Variants in CALR observed in about 807,000 individuals in gnomAD.
CALR encodes CRP55.
A neutral mutation model predicts 51.1 loss-of-function variants in CALR; 15 were observed. The ratio of observed to expected loss-of-function variants is 0.29; its 90% CI spans 0.20 to 0.45. The LOEUF (loss-of-function observed/expected upper bound fraction) is 0.45, where lower values mean the gene tolerates loss of function less well. CALR is among the 20% of genes least tolerant of loss of function. The pLI, the probability that CALR is intolerant of heterozygous loss-of-function variation, is 1.00. For synonymous variants in CALR, 239 were observed against 205.9 expected (o/e 1.16, Z -1.38); for missense variants, 477 against 530.6 (o/e 0.90, Z 0.99).
Position 12,940,415 on chromosome 19 carries a change from G to T in CALR, c.665G>T (p.Arg222Leu). ...DASKPEDWDE[R>L]AKIDDPTDSK... ...TCAAAACCGGAAGACTGGGATGAGC[G>T]GGCCAAGATCGATGATCCCACAGAC... Residue 222 changes from arginine (R) to leucine (L), a missense_variant, in exon 5 of 9, where the codon CGG (arginine) becomes CTG (leucine). By Grantham distance (102) the Arg-to-Leu change is moderately radical. Transcript: ENST00000316448. The T allele has an allele frequency of 6.2e-7, 1 of 1,614,164 alleles. No individual in the cohort carries two copies. The highest frequency in any genetic ancestry group is 8.5e-7 in the Non-Finnish European group (1 of 1,180,036).
chr19:12,943,789 A>C lies in CALR; in HGVS notation c.1130A>C (p.Lys377Thr). 2 of 1,596,364 alleles carry C rather than the reference A, an allele frequency of 1.3e-6. No individual in the cohort carries two copies. Among genetic ancestry groups the C allele is most frequent in the Non-Finnish European group, 1.7e-6 (2 of 1,171,226 alleles). ...LKEEEEDKKRKEEEEAEDKED... is the reference protein window; with the variant it reads ...LKEEEEDKKRTEEEEAEDKED... Reference sequence around the variant, plus strand: ...GAGGAGGAAGAAGACAAGAAACGCAAAGAGGAGGAGGAGGCAGAGGACAAG... The same window carrying C: ...GAGGAGGAAGAAGACAAGAAACGCACAGAGGAGGAGGAGGCAGAGGACAAG... Residue 377 changes from lysine (K) to threonine (T), a missense_variant, in exon 9 of 9, where the codon AAA (lysine) becomes ACA (threonine). Coordinates refer to ENST00000316448, the MANE Select transcript of CALR (RefSeq NM_004343.4).
rs147368353 is a variant in CALR, at chr19:12,938,729, C to G, written c.50C>G (p.Ala17Gly). 18 of 1,611,664 alleles carry G rather than the reference C, an allele frequency of 1.1e-5. No individual in the cohort carries two copies. In the East Asian group the frequency reaches 4.0e-4, roughly 36 times the overall value. ...CTCGGCCTCCTCGGCCTGGCCGTCG[C>G]CGAGCCTGCCGTCTACTTCAAGGAG... ...LLLGLLGLAV[A>G]EPAVYFKEQF... Residue 17 changes from alanine (A) to glycine (G), a missense_variant, in exon 1 of 9, where the codon GCC (alanine) becomes GGC (glycine). Physicochemically the swap from Ala to Gly is moderately conservative, Grantham distance 60. Transcript: ENST00000316448.
intron 7 of CALR, among the ~76,000 whole-genome samples, chr19:12,942,240 G>A (rs984736257): frequency 1.3e-5 from 2 of 151,632 alleles, no homozygotes; most frequent in Non-Finnish European, 2.9e-5. Flanking sequence ...GTGGGCGCCT[G>A]TAGTCCCAGC....
intron 7 of CALR, chr19:12,943,286 G>A (rs1053682405): frequency 5.6e-5 from 28 of 499,358 alleles, no homozygotes; most frequent in Non-Finnish European, 7.3e-5. Context: ...GGGTTTCACC[G>A]TGTTAGCCAG....
Position 12,943,608 on chromosome 19 carries a change from C to G in CALR, c.1032C>G (p.Asn344Lys). The change falls in exon 8 of 9, where the codon AAC becomes AAG. Residue 344 changes from asparagine (N) to lysine (K), a missense_variant. Physicochemically the swap from Asn to Lys is moderately conservative, Grantham distance 94. Coordinates refer to ENST00000316448, the MANE Select transcript of CALR (RefSeq NM_004343.4). ...AGGCATACGCTGAGGAGTTTGGCAA[C>G]GAGACGTGGGGCGTAACAAAGGTGA... Reference protein sequence around the residue: ...NDEAYAEEFGNETWGVTKAAE... With the variant: ...NDEAYAEEFGKETWGVTKAAE... 1 of 1,614,124 alleles carries G rather than the reference C, an allele frequency of 6.2e-7. No homozygotes were observed. The highest frequency in any genetic ancestry group is 8.5e-7 in the Non-Finnish European group (1 of 1,180,026).
chr19:12,939,583 T>C lies in CALR; in HGVS notation c.349T>C (p.Leu117=), dbSNP rs767577738. The change falls in exon 3 of 9, where the codon TTG becomes CTG. Residue 117 remains leucine (L), a synonymous_variant. Transcript: ENST00000316448. ...CTATGTGAAGCTGTTTCCTAATAGT[T>C]TGGACCAGACAGACATGCACGGAGA... ...GGYVKLFPNS[L]DQTDMHGDSE... The C allele has an allele frequency of 9.3e-6, 15 of 1,614,086 alleles. No individual in the cohort carries two copies. In the Admixed American group the frequency reaches 1.7e-4, roughly 18 times the overall value.
At chr19:12,943,492 G>C in intron 7 of CALR, 45 bp from the exon 8 acceptor site, 1 of 1,554,072 alleles carries the variant, frequency 6.4e-7, no homozygotes, top group Non-Finnish European at 8.9e-7. Flanking sequence ...CAAAGCAAGG[G>C]CTATCGGGTA....
At position 12,944,300 on chromosome 19, in the gene CALR, G is replaced by A; in HGVS notation, c.*387G>A. On this transcript the variant is annotated 3_prime_UTR_variant, in exon 9 of 9. Transcript: ENST00000316448. ...CCTTCCTGGAGCCCAGAGGAGGGCA[G>A]CAGAAGGGGGTGGTGTCTCCAACCC... The A allele has an allele frequency of 2.6e-6, 1 of 383,878 alleles. No homozygotes were observed. The highest frequency in any genetic ancestry group is 2.7e-5 in the South Asian group (1 of 36,532). The allele number at this position is 383,878 out of a possible 1,614,324, so 23.8% of individuals were successfully genotyped here. A position where few individuals can be genotyped will look rare whatever the true frequency, so the allele number is the denominator to read the frequency against.
At position 12,938,773 on chromosome 19, in the gene CALR, A is replaced by G; in HGVS notation, c.91+3A>G. The G allele has an allele frequency of 6.2e-7, 1 of 1,605,406 alleles. No individual in the cohort carries two copies. Among genetic ancestry groups the G allele is most frequent in the Non-Finnish European group, 8.5e-7 (1 of 1,175,410 alleles). ...CAAGGAGCAGTTTCTGGACGGAGGT[A>G]ACGCCTGGTCCCGCCTCGAGGCCGC... On this transcript the variant is annotated splice_donor_region_variant and intron_variant, in intron 1 of 8. Transcript: ENST00000316448.
At chr19:12,940,207 G>C (rs775467641) in intron 4 of CALR, 36 bp from the exon 5 acceptor site, 1 of 1,606,514 alleles carries the variant, frequency 6.2e-7, no homozygotes, top group Admixed American at 1.7e-5. Context: ...CAGCCTCATT[G>C]GGGGGTGGCC....
rs76929589 is a variant in CALR, at chr19:12,939,088, G to C, written c.92-46G>C. ...CTCGGCAGATGTTTGGTGTGGGGGG[G>C]GATTAGCACAGCCGCTCTGACCTAC... On this transcript the variant is annotated intron_variant, in intron 1 of 8. Transcript: ENST00000316448. 8.1e-6 allele frequency: 9 copies of C among 1,112,842 alleles called. No individual in the cohort carries two copies. In the East Asian group the frequency reaches 2.0e-4, roughly 24 times the overall value. The allele number at this position is 1,112,842 out of a possible 1,614,324, so 68.9% of individuals were successfully genotyped here.
At chr19:12,940,478 T>C (rs1301264936) in intron 5 of CALR, 26 bp downstream of exon 5, 1 of 1,612,766 alleles carries the variant, frequency 6.2e-7, no homozygotes, top group Non-Finnish European at 8.5e-7. Context: ...GGGGCTCTGC[T>C]CTCCACATTG....
Position 12,939,573 on chromosome 19 carries a change from T to A in CALR, c.339T>A (p.Phe113Leu), listed in dbSNP as rs1440405540. ...GTGGGGGCGGCTATGTGAAGCTGTT[T>A]CCTAATAGTTTGGACCAGACAGACA... Reference protein sequence around the residue: ...IDCGGGYVKLFPNSLDQTDMH... With the variant: ...IDCGGGYVKLLPNSLDQTDMH... Residue 113 changes from phenylalanine to leucine, a missense_variant, in exon 3 of 9, where the codon TTT becomes TTA. By Grantham distance (22) the Phe-to-Leu change is conservative (BLOSUM62 0). Coordinates refer to ENST00000316448, the MANE Select transcript of CALR (RefSeq NM_004343.4). 6.2e-7 allele frequency: 1 copy of A among 1,614,024 alleles called. No homozygotes were observed. The highest frequency in any genetic ancestry group is 8.5e-7 in the Non-Finnish European group (1 of 1,180,042).
chr19:12,942,593 CT>C (rs527758922), intron 7 of CALR, among the ~76,000 whole-genome samples: 7,219 of 133,330 alleles, frequency 0.054, 560 homozygotes, highest in African/African-American at 0.18. Context: ...GTCTCTCCAT[CT>C]TTTTTTTTTT....
intron 1 of CALR, 32 bp from the exon 2 acceptor site, chr19:12,939,102 G>A (rs753235022): frequency 1.5e-6 from 2 of 1,310,412 alleles, no homozygotes; most frequent in South Asian, 1.2e-5. Flanking sequence ...TAGCACAGCC[G>A]CTCTGACCTA....
At chr19:12,943,191 TCTC>T (rs1200059155) in intron 7 of CALR, 1 of 332,434 alleles carries the variant, frequency 3.0e-6, no homozygotes, top group Non-Finnish European at 5.9e-6. Context: ...TTCACATCAT[TCTC>T]CTGTCTCAGC....
intron 3 of CALR, among the ~76,000 whole-genome samples, 197 bp from the exon 4 acceptor site, chr19:12,939,856 C>T (rs1368166481): frequency 6.6e-6 from 1 of 150,856 alleles, no homozygotes; most frequent in Non-Finnish European, 1.5e-5. Flanking sequence ...AGTTCTAGAG[C>T]ACTGATTTTT....
intron 7 of CALR, 72 bp downstream of exon 7, chr19:12,940,959 CAG>C: frequency 6.9e-7 from 1 of 1,458,278 alleles, no homozygotes; most frequent in African/African-American, 1.4e-5. Context: ...AGGAAAGGGA[CAG>C]GGTAGGCACC....
chr19:12,943,431 A>C, intron 7 of CALR, 106 bp from the exon 8 acceptor site: 2 of 959,860 alleles, frequency 2.1e-6, no homozygotes. Context: ...TTCTCTGCAG[A>C]TGCAGGCAGC....
Sources: allele counts gnomAD v4.1 joint callset (sites outside exome capture counted in the v4.1 genomes callset), GRCh38; gene constraint gnomAD v4.1.1; transcripts MANE v1.5; gene names NCBI Gene and HGNC (gene_info 2026-07-23, HGNC 2026-07-21).